POLN: variants seen among roughly 807,000 people sequenced by gnomAD.
The protein encoded by POLN is DNA polymerase nu.
In POLN, 108 loss-of-function variants were observed where a neutral mutation model predicts 113.5. That is an observed-to-expected ratio of 0.95 (90% CI 0.81 to 1.12). The LOEUF is 1.12. Ranked by LOEUF, POLN falls within the 50% of genes most tolerant of loss-of-function variation. The pLI is 0.00. For missense variants in POLN, 1,097 were observed against 1,077.1 expected, an observed-to-expected ratio of 1.02 and a Z score of -0.26; for synonymous variants, 386 against 391.5, an observed-to-expected ratio of 0.99 and a Z score of 0.17.
At chr4:2,149,942 G>A (rs1420464216) in intron 16 of POLN, among the ~76,000 whole-genome samples, 1 of 152,050 alleles carries the variant, frequency 6.6e-6, no homozygotes. Flanking sequence ...AATTAGCTGG[G>A]TGTGGTGGTG....
chr4:2,188,814 C>T (rs544344949), intron 7 of POLN, among the ~76,000 whole-genome samples: 3 of 152,066 alleles, frequency 2.0e-5, no homozygotes, highest in East Asian at 1.9e-4. Context: ...GCTATGGTAA[C>T]GTGTTAAGAG....
intron 16 of POLN, among the ~76,000 whole-genome samples, chr4:2,153,566 G>A (rs1483762689): frequency 3.3e-5 from 5 of 151,918 alleles, no homozygotes; most frequent in Non-Finnish European, 7.4e-5. Flanking sequence ...GAATTCTTTA[G>A]AAATATCATG....
At chr4:2,146,028 T>C (rs752820293) in intron 16 of POLN, among the ~76,000 whole-genome samples, 39 of 98,740 alleles carry the variant, frequency 3.9e-4, no homozygotes, top group Non-Finnish European at 7.6e-4. Flanking sequence ...CTATAATTTA[T>C]ATAAACTTTA....
At position 2,211,250 on chromosome 4, in the gene POLN, A is replaced by AAATAATAAT. The variant is rs71167780; in HGVS notation, c.213+1788_213+1796dup. On this transcript the variant is annotated intron_variant, in intron 4 of 25. Coordinates refer to ENST00000511885, the MANE Select transcript of POLN (RefSeq NM_181808.4). ...GGTGACAGAGCGAGACTCCGTCTCC[A>AAATAATAAT]AATAATAATAATAATAATAATAATA... is the stretch of plus-strand genomic sequence containing the variant. 8.1e-3 allele frequency among the ~76,000 whole-genome samples: 1,126 copies of AAATAATAAT among 139,804 alleles called. 15 individuals carry two copies. Among genetic ancestry groups the AAATAATAAT allele is most frequent in the Middle Eastern group, 0.015 (4 of 272 alleles). 91.7% of individuals were successfully genotyped at this position (139,804 alleles called of 152,430 possible). A position where few individuals can be genotyped will look rare whatever the true frequency, so the allele number is the denominator to read the frequency against.
intron 24 of POLN, among the ~76,000 whole-genome samples, chr4:2,073,259 A>G (rs1391517445): frequency 2.0e-5 from 3 of 152,154 alleles, no homozygotes; most frequent in African/African-American, 7.2e-5. Flanking sequence ...TCCACAGTCC[A>G]GGATGCCTCT....
chr4:2,098,572 G>A (rs1730851195), intron 19 of POLN, among the ~76,000 whole-genome samples: 1 of 152,226 alleles, frequency 6.6e-6, no homozygotes, highest in Non-Finnish European at 1.5e-5. Flanking sequence ...CATGGGTAAT[G>A]GGTTAGCACT....
intron 19 of POLN, among the ~76,000 whole-genome samples, chr4:2,117,362 C>T (rs1295209237): frequency 6.6e-6 from 1 of 152,176 alleles, no homozygotes; most frequent in Non-Finnish European, 1.5e-5. Context: ...TGTTTGTGAC[C>T]TTTTTGATTA....
Position 2,239,953 on chromosome 4 carries a change from T to C in POLN, c.-13+1567A>G, listed in dbSNP as rs549376526. ...ATGTAATCTCTTCTCAGATGCACCA[T>C]TCTAAAGTACTTTAACAGCAATATT... On this transcript the variant is annotated intron_variant, in intron 2 of 25. Transcript: ENST00000511885. 6.8e-6 allele frequency: 7 copies of C among 1,031,100 alleles called. No individual in the cohort carries two copies. The East Asian group carries it at 1.2e-4, about 18-fold the overall frequency. The allele number at this position is 1,031,100 out of a possible 1,614,324, so 63.9% of individuals were successfully genotyped here.
intron 3 of POLN, among the ~76,000 whole-genome samples, chr4:2,226,159 C>G (rs1313785900): frequency 6.6e-6 from 1 of 152,116 alleles, no homozygotes; most frequent in Non-Finnish European, 1.5e-5. Context: ...AGAATCATTT[C>G]AGCTCCAACC....
At chr4:2,198,833 G>C in intron 5 of POLN, 116 bp from the exon 6 acceptor site, 1 of 1,030,740 alleles carries the variant, frequency 9.7e-7, no homozygotes, top group Non-Finnish European at 1.4e-6. Flanking sequence ...ACTTGTAAAT[G>C]AATAGTTTTT....
chr4:2,219,226 G>A (rs1365932251), intron 3 of POLN, among the ~76,000 whole-genome samples: 3 of 152,116 alleles, frequency 2.0e-5, no homozygotes, highest in South Asian at 2.1e-4. Flanking sequence ...GAGTCCTTGC[G>A]CCTCTGACGG....
rs141458144 is a variant in POLN at position 2,207,257 on chromosome 4, G to A, written c.714+730C>T. Among the ~76,000 whole-genome samples, 895 of 152,144 alleles carry A rather than the reference G, an allele frequency of 5.9e-3. 6 individuals are homozygous for A. Among genetic ancestry groups the A allele is most frequent in the African/African-American group, 0.021 (857 of 41,506 alleles). Reference sequence around the variant, plus strand: ...CTTTGGGGACTCAGGAGGAAAGGGTGGGAAGGGGGTGAGGGATAAAATACT... The same window carrying A: ...CTTTGGGGACTCAGGAGGAAAGGGTAGGAAGGGGGTGAGGGATAAAATACT... On this transcript the variant is annotated intron_variant, in intron 5 of 25. Coordinates refer to ENST00000511885, the MANE Select transcript of POLN (RefSeq NM_181808.4).
chr4:2,231,855 T>TA, intron 2 of POLN: 5 of 675,754 alleles, frequency 7.4e-6, no homozygotes, highest in Admixed American at 3.4e-5. Context: ...AAAAATTTAG[T>TA]AGTGTTTATT....
intron 3 of POLN, among the ~76,000 whole-genome samples, chr4:2,213,803 C>A (rs1434795256): frequency 1.3e-5 from 2 of 152,130 alleles, no homozygotes; most frequent in Non-Finnish European, 2.9e-5. Context: ...AAAAAAAGAT[C>A]TGTACAAATG....
chr4:2,101,908 C>A (rs896111497), intron 19 of POLN, among the ~76,000 whole-genome samples: 1 of 152,140 alleles, frequency 6.6e-6, no homozygotes, highest in Non-Finnish European at 1.5e-5. Flanking sequence ...TGCCCCAGGG[C>A]TGAATTGTGG....
rs955327136 is a variant in POLN, at chr4:2,133,129, T to C, written c.1732-1839A>G. 5.9e-5 allele frequency among the ~76,000 whole-genome samples: 8 copies of C among 135,058 alleles called. No homozygotes were observed. In the Admixed American group the frequency reaches 6.4e-4, roughly 11 times the overall value. 88.6% of individuals were successfully genotyped at this position (135,058 alleles called of 152,430 possible). On this transcript the variant is annotated intron_variant, in intron 16 of 25. Transcript: ENST00000511885. ...GAGGCCAGCCTGATGTAAATTTACA[T>C]GGCTATTATAAAAAATGGCAAAAAA...
At chr4:2,174,949 A>G (rs2108748915) in intron 9 of POLN, among the ~76,000 whole-genome samples, 198 bp from the exon 10 acceptor site, 1 of 151,752 alleles carries the variant, frequency 6.6e-6, no homozygotes, top group South Asian at 2.1e-4. Flanking sequence ...CAGCCTCTTG[A>G]GTAGGTAGGA....
chr4:2,072,713 G>A (rs1317299079), intron 25 of POLN, among the ~76,000 whole-genome samples: 2 of 152,140 alleles, frequency 1.3e-5, no homozygotes, highest in Non-Finnish European at 2.9e-5. Flanking sequence ...ACCTTGAGTG[G>A]ACCAAGCCTT....
chr4:2,079,617 T>C, intron 23 of POLN: 1 of 984,966 alleles, frequency 1.0e-6, no homozygotes, highest in Non-Finnish European at 1.2e-6. Flanking sequence ...GACAGAGTCT[T>C]GCTCTCACCC....
Sources: gnomAD v4.1 joint callset for allele counts (sites outside exome capture counted in the v4.1 genomes callset) on GRCh38, gnomAD v4.1.1 for gene constraint, MANE v1.5 for transcripts, NCBI Gene and HGNC (gene_info 2026-07-23, HGNC 2026-07-21) for gene names.